Variants in HPGDS observed in about 807,000 individuals in gnomAD.
HPGDS encodes GST class-sigma.
HPGDS carries 26 observed loss-of-function variants against 23.1 expected under a neutral mutation model. That is an observed-to-expected ratio of 1.13 (90% confidence interval 0.83 to 1.56). HPGDS has a LOEUF of 1.56. HPGDS is among the 40% of genes most tolerant of loss of function. HPGDS has a pLI of 0.00. For missense variants in HPGDS, 268 were observed against 236.4 expected (o/e 1.13, Z -0.88); for synonymous variants, 95 against 77.9 (o/e 1.22, Z -1.16).
At chr4:94,322,668 T>C (rs1205699690) in intron 2 of HPGDS, among the ~76,000 whole-genome samples, 4 of 152,176 alleles carry the variant, frequency 2.6e-5, no homozygotes. Flanking sequence ...TCTTTATTAG[T>C]CTTGCTAGCA....
chr4:94,324,099 C>T (rs1756578385), intron 2 of HPGDS, among the ~76,000 whole-genome samples: 1 of 152,212 alleles, frequency 6.6e-6, no homozygotes, highest in South Asian at 2.1e-4. Context: ...CCACTCTCTT[C>T]TGGCTTGTAG....
intron 3 of HPGDS, among the ~76,000 whole-genome samples, chr4:94,312,128 CTCTA>C (rs1756287572): frequency 6.6e-6 from 1 of 152,006 alleles, no homozygotes. Flanking sequence ...TTTTTTGTGT[CTCTA>C]TCTCCTTCAG....
chr4:94,307,172 G>A (rs746709291), intron 4 of HPGDS, among the ~76,000 whole-genome samples: 1 of 151,696 alleles, frequency 6.6e-6, no homozygotes, highest in African/African-American at 2.4e-5. Flanking sequence ...ACAAGTTTGA[G>A]AATAAAATAA....
chr4:94,300,807 T>C (rs74893898), intron 5 of HPGDS, among the ~76,000 whole-genome samples: 20,459 of 151,992 alleles, frequency 0.13, 1,679 homozygotes, highest in Non-Finnish European at 0.18. Flanking sequence ...AGCCCAGGCT[T>C]AAATATAAAA....
At chr4:94,320,138 C>A (rs1322775993) in intron 2 of HPGDS, among the ~76,000 whole-genome samples, 1 of 152,172 alleles carries the variant, frequency 6.6e-6, no homozygotes, top group African/African-American at 2.4e-5. Context: ...ATATGTACTA[C>A]ATTTTCTTAA....
chr4:94,301,312 G>T (rs945664120), intron 5 of HPGDS, among the ~76,000 whole-genome samples: 7 of 152,136 alleles, frequency 4.6e-5, no homozygotes, highest in Non-Finnish European at 8.8e-5. Context: ...ACTACTAGGT[G>T]GTAGTGTGCC....
At chr4:94,306,859 AG>A (rs917997268) in intron 4 of HPGDS, among the ~76,000 whole-genome samples, 1 of 152,052 alleles carries the variant, frequency 6.6e-6, no homozygotes, top group African/African-American at 2.4e-5. Context: ...AAGAAAATAA[AG>A]GGGGAGGAAA....
chr4:94,301,866 G>T (rs1266627405), intron 5 of HPGDS, among the ~76,000 whole-genome samples: 1 of 152,004 alleles, frequency 6.6e-6, no homozygotes, highest in Non-Finnish European at 1.5e-5. Flanking sequence ...TGTATTCTGT[G>T]TGTTCTCTAT....
chr4:94,334,802 G>A (rs943373665), intron 1 of HPGDS, among the ~76,000 whole-genome samples, 164 bp from the exon 2 acceptor site: 3 of 152,022 alleles, frequency 2.0e-5, no homozygotes, highest in Non-Finnish European at 2.9e-5. Context: ...AATTACATAC[G>A]GGGAAACTTG....
At chr4:94,310,712 T>G (rs1460427472) in intron 3 of HPGDS, among the ~76,000 whole-genome samples, 3 of 152,186 alleles carry the variant, frequency 2.0e-5, no homozygotes, top group African/African-American at 7.2e-5. Flanking sequence ...ACTAAATCTA[T>G]AAATTACCTT....
chr4:94,321,455 G>A (rs1004743651), intron 2 of HPGDS, among the ~76,000 whole-genome samples: 4 of 152,118 alleles, frequency 2.6e-5, no homozygotes, highest in African/African-American at 9.7e-5. Context: ...GTGGTTTGTA[G>A]TTCTCCTTGA....
At chr4:94,316,990 A>C (rs186469203) in intron 3 of HPGDS, among the ~76,000 whole-genome samples, 37 of 152,368 alleles carry the variant, frequency 2.4e-4, no homozygotes, top group African/African-American at 8.4e-4. Flanking sequence ...CTAAACTTTC[A>C]AAGTAACTTT....
At chr4:94,325,063 CCT>C (rs1756601470) in intron 2 of HPGDS, among the ~76,000 whole-genome samples, 1 of 152,116 alleles carries the variant, frequency 6.6e-6, no homozygotes, top group Non-Finnish European at 1.5e-5. Flanking sequence ...CACTCCAGAC[CCT>C]GTTTGCCATT....
At chr4:94,315,792 T>G (rs1393727933) in intron 3 of HPGDS, among the ~76,000 whole-genome samples, 3 of 152,254 alleles carry the variant, frequency 2.0e-5, no homozygotes, top group Non-Finnish European at 4.4e-5. Context: ...TTATTCGTCT[T>G]TCTGACCTTG....
At chr4:94,303,094 C>CTT (rs1756075350) in intron 4 of HPGDS, among the ~76,000 whole-genome samples, 1 of 152,022 alleles carries the variant, frequency 6.6e-6, no homozygotes, top group African/African-American at 2.4e-5. Context: ...GAAATCCAAC[C>CTT]TTTATTAAGA....
intron 1 of HPGDS, among the ~76,000 whole-genome samples, chr4:94,340,217 A>G (rs1329733078): frequency 6.7e-6 from 1 of 148,292 alleles, no homozygotes; most frequent in Admixed American, 6.8e-5. Flanking sequence ...GGGCCTCCCA[A>G]AGTGCTGGGA....
At chr4:94,320,555 G>A (rs990438440) in intron 2 of HPGDS, among the ~76,000 whole-genome samples, 1 of 152,168 alleles carries the variant, frequency 6.6e-6, no homozygotes, top group African/African-American at 2.4e-5. Context: ...CTGCATAAAT[G>A]TCTTTTTTTG....
At chr4:94,315,727 G>A (rs1039522513) in intron 3 of HPGDS, among the ~76,000 whole-genome samples, 5 of 152,140 alleles carry the variant, frequency 3.3e-5, no homozygotes, top group African/African-American at 9.7e-5. Flanking sequence ...ATTCTTGAAC[G>A]ATTTAGAGTT....
intron 3 of HPGDS, among the ~76,000 whole-genome samples, chr4:94,314,906 G>T (rs933949477): frequency 6.6e-6 from 1 of 152,232 alleles, no homozygotes; most frequent in African/African-American, 2.4e-5. Flanking sequence ...CTAGCAATGA[G>T]CAAGGCTCCC....
Sources: allele counts gnomAD v4.1 joint callset (sites outside exome capture counted in the v4.1 genomes callset), GRCh38; gene constraint gnomAD v4.1.1; transcripts MANE v1.5; gene names NCBI Gene and HGNC (gene_info 2026-07-23, HGNC 2026-07-21).